The following PRSS12 variants were observed in gnomAD, a reference collection of about 807,000 sequenced individuals.
PRSS12 encodes the protein neurotrypsin.
PRSS12 carries 85 observed loss-of-function variants against 104.4 expected under a neutral mutation model. That is an observed-to-expected ratio of 0.81 (90% CI 0.68 to 0.98). The LOEUF (loss-of-function observed/expected upper bound fraction) is 0.98. Ranked by LOEUF, PRSS12 falls within the 50% of genes least tolerant of loss-of-function variation. The pLI, the probability that PRSS12 is intolerant of heterozygous loss-of-function variation, is 0.00. For synonymous variants in PRSS12, 454 were observed against 425.2 expected (o/e 1.07, Z -0.83); for missense variants, 1,141 against 1,139.2 (o/e 1.00, Z -0.02).
At chr4:118,348,943 C>T (rs550180267) in intron 1 of PRSS12, among the ~76,000 whole-genome samples, 5 of 152,254 alleles carry the variant, frequency 3.3e-5, no homozygotes, top group African/African-American at 4.8e-5. Context: ...ACAGCTACCG[C>T]GCCCAGCCCT....
At chr4:118,322,997 T>G in intron 4 of PRSS12, among the ~76,000 whole-genome samples, 1 of 152,056 alleles carries the variant, frequency 6.6e-6, no homozygotes, top group East Asian at 1.9e-4. Context: ...GAAACCAAGT[T>G]TTATTGGAAT....
At chr4:118,304,780 C>T (rs1743498932) in intron 8 of PRSS12, among the ~76,000 whole-genome samples, 2 of 151,930 alleles carry the variant, frequency 1.3e-5, no homozygotes, top group South Asian at 4.1e-4. Flanking sequence ...CTTTTACTTT[C>T]TGTTCACTTT....
Position 118,313,291 on chromosome 4 carries a change from TG to T in PRSS12, c.1398del (p.Arg467GlyfsTer36). The T allele has an allele frequency of 1.9e-6, 3 of 1,614,092 alleles. No individual in the cohort carries two copies. Among genetic ancestry groups the T allele is most frequent in the South Asian group, 1.1e-5 (1 of 91,078 alleles). On this transcript the variant is annotated frameshift_variant, in exon 7 of 13. Transcript: ENST00000296498. LOFTEE classifies it high-confidence loss of function. ...CAGTCATGCCTTCCCCACTGTCGCC[TG>T]GAACACTGAAGAAATCTGGTTTCCT... ...SGKETRFLQC[S>X]RRQWGRHDCS...
In PRSS12 at chr4:118,295,127, T is replaced by TA. The variant is rs1485464311; in HGVS notation, c.1917-67dup. The TA allele has an allele frequency of 3.8e-6, 6 of 1,573,958 alleles. No individual in the cohort carries two copies. The African/African-American group carries it at 8.1e-5, about 21-fold the overall frequency. ...CAAAAAAGCAAAGGAAAGCACTGGT[T>TA]AAAGCAATGGCTTTAATAACTTTAA... On this transcript the variant is annotated intron_variant, in intron 10 of 12. Coordinates refer to ENST00000296498, the MANE Select transcript of PRSS12 (RefSeq NM_003619.4).
At chr4:118,335,326 A>T in intron 3 of PRSS12, 147 bp downstream of exon 3, 1 of 866,712 alleles carries the variant, frequency 1.2e-6, no homozygotes, top group Non-Finnish European at 1.7e-6. Context: ...ATTGAAGACT[A>T]ATTAGATGGT....
chr4:118,289,960 G>A (rs1264256977), intron 11 of PRSS12, among the ~76,000 whole-genome samples: 1 of 152,110 alleles, frequency 6.6e-6, no homozygotes, highest in Admixed American at 6.5e-5. Flanking sequence ...AGGACATATG[G>A]AAGGAATTAT....
At chr4:118,337,424 C>T (rs2126042505) in intron 2 of PRSS12, among the ~76,000 whole-genome samples, 1 of 152,224 alleles carries the variant, frequency 6.6e-6, no homozygotes, top group South Asian at 2.1e-4. Flanking sequence ...AAAAAGAAGC[C>T]TTCTGCTCCT....
chr4:118,316,691 G>A (rs182819853), intron 5 of PRSS12, among the ~76,000 whole-genome samples: 9 of 151,722 alleles, frequency 5.9e-5, no homozygotes, highest in African/African-American at 2.2e-4. Flanking sequence ...GCATGGTGGC[G>A]CATGCCTGTA....
At chr4:118,311,749 TA>T (rs927213941) in intron 7 of PRSS12, among the ~76,000 whole-genome samples, 17 of 152,316 alleles carry the variant, frequency 1.1e-4, no homozygotes, top group African/African-American at 3.8e-4. Context: ...AAAATACATC[TA>T]GAGTCCTAGA....
At chr4:118,288,896 AGAAAAATGT>A (rs1743068265) in intron 11 of PRSS12, among the ~76,000 whole-genome samples, 1 of 152,228 alleles carries the variant, frequency 6.6e-6, no homozygotes, top group Admixed American at 6.5e-5. Context: ...ATTAACATTA[AGAAAAATGT>A]GAAAAATGAG....
intron 1 of PRSS12, among the ~76,000 whole-genome samples, chr4:118,342,716 A>T (rs1724248530): frequency 6.6e-6 from 1 of 152,204 alleles, no homozygotes; most frequent in Admixed American, 6.5e-5. Context: ...GAAAAAGGTC[A>T]ACTGTCTGCT....
intron 4 of PRSS12, among the ~76,000 whole-genome samples, chr4:118,329,103 A>AT (rs1233398627): frequency 1.3e-5 from 2 of 151,996 alleles, no homozygotes; most frequent in African/African-American, 4.8e-5. Flanking sequence ...ATTTAAAAAA[A>AT]TTTTTTTGTA....
At chr4:118,298,232 A>T (rs1560767466) in intron 9 of PRSS12, among the ~76,000 whole-genome samples, 1 of 152,080 alleles carries the variant, frequency 6.6e-6, no homozygotes. Flanking sequence ...ATACGAAAGG[A>T]TTACTTATCA....
intron 1 of PRSS12, among the ~76,000 whole-genome samples, chr4:118,342,604 C>G (rs527397587): frequency 1.3e-5 from 2 of 152,154 alleles, no homozygotes; most frequent in Non-Finnish European, 2.9e-5. Flanking sequence ...ACATGCAGAC[C>G]AAACTAGTAA....
In PRSS12 at chr4:118,313,224, C is replaced by T. The variant is rs1050664597; in HGVS notation, c.1466G>A (p.Gly489Asp). The change falls in exon 7 of 13, where the codon GGC becomes GAC. Residue 489 changes from glycine to aspartate, a missense_variant. By Grantham distance (94) the Gly-to-Asp change is moderately conservative. Coordinates refer to ENST00000296498, the MANE Select transcript of PRSS12 (RefSeq NM_003619.4). Reference protein sequence around the residue: ...EDVSIACYPGGEGHRLSLGFP... With the variant: ...EDVSIACYPGDEGHRLSLGFP... ...ACCCAGAGAGAGCCTGTGTCCCTCG[C>T]CGCCAGGGTAGCAGGCAATGCTAAC... The T allele has an allele frequency of 3.1e-6, 5 of 1,613,608 alleles. No homozygotes were observed. Among genetic ancestry groups the T allele is most frequent in the Non-Finnish European group, 4.2e-6 (5 of 1,179,968 alleles).
intron 11 of PRSS12, 122 bp downstream of exon 11, chr4:118,294,817 T>C: frequency 7.3e-7 from 1 of 1,372,838 alleles, no homozygotes; most frequent in Non-Finnish European, 1.0e-6. Flanking sequence ...ACAGGGCTGC[T>C]GGCACAAGCA....
intron 9 of PRSS12, among the ~76,000 whole-genome samples, chr4:118,297,662 T>G (rs1743285376): frequency 6.6e-6 from 1 of 152,108 alleles, no homozygotes; most frequent in East Asian, 1.9e-4. Context: ...CTTTGGCAGT[T>G]ATTAAAAGGT....
chr4:118,351,935 A>T (rs1724516202), intron 1 of PRSS12, among the ~76,000 whole-genome samples: 1 of 152,066 alleles, frequency 6.6e-6, no homozygotes, highest in Non-Finnish European at 1.5e-5. Flanking sequence ...ACACACACAC[A>T]CAGTGGCCAG....
chr4:118,315,665 G>A (rs943233555), intron 6 of PRSS12, among the ~76,000 whole-genome samples: 1 of 152,180 alleles, frequency 6.6e-6, no homozygotes, highest in Non-Finnish European at 1.5e-5. Context: ...ATGTCCCAAA[G>A]TGTGATACTC....
Sources: allele counts gnomAD v4.1 joint callset (sites outside exome capture counted in the v4.1 genomes callset), GRCh38; gene constraint gnomAD v4.1.1; transcripts MANE v1.5; gene names NCBI Gene and HGNC (gene_info 2026-07-23, HGNC 2026-07-21).